AMMECR1: variants seen among roughly 807,000 people sequenced by gnomAD.
AMMECR1 encodes the protein nuclear protein AMMECR1.
Under a neutral mutation model 22.5 loss-of-function variants are expected in AMMECR1, and 3 were observed. The ratio of observed to expected loss-of-function variants is 0.13; its 90% confidence interval spans 0.06 to 0.35. The LOEUF (loss-of-function observed/expected upper bound fraction) is 0.35. Ranked by LOEUF, AMMECR1 falls within the 10% of genes least tolerant of loss-of-function variation. The probability of loss-of-function intolerance (pLI) is 1.00; values close to 1 mark genes in which losing one functional copy is unlikely to be tolerated. For synonymous variants in AMMECR1, 130 were observed against 116.7 expected, an observed-to-expected ratio of 1.11 and a Z score of -0.74; for missense variants, 235 against 278.7, an observed-to-expected ratio of 0.84 and a Z score of 1.12.
At chrX:110,425,982 A>G (rs6655128) in intron 2 of AMMECR1, among the ~76,000 whole-genome samples, 8 of 103,375 alleles carry the variant, frequency 7.7e-5, no homozygotes, top group African/African-American at 2.1e-4. Flanking sequence ...GCGTGCGCGC[A>G]CACACACACA....
chrX:110,435,069 AGGG>A (rs2068827080), intron 1 of AMMECR1, among the ~76,000 whole-genome samples: 1 of 71,914 alleles, frequency 1.4e-5, no homozygotes, highest in Non-Finnish European at 2.5e-5. Context: ...GGAGGGAAGG[AGGG>A]AGGGGGGAGG....
intron 2 of AMMECR1, among the ~76,000 whole-genome samples, chrX:110,395,217 C>T (rs2068520796): frequency 8.9e-6 from 1 of 112,177 alleles, no homozygotes; most frequent in African/African-American, 3.2e-5. Flanking sequence ...AGAGGGTCTC[C>T]ACTTCTGCCA....
chrX:110,291,799 T>C (rs2067910492), intron 1 of AMMECR1, among the ~76,000 whole-genome samples: 1 of 112,187 alleles, frequency 8.9e-6, no homozygotes. Flanking sequence ...CCTATGGGAC[T>C]ACATCCACCC....
chrX:110,234,041 C>T (rs1221640535), intron 2 of AMMECR1, among the ~76,000 whole-genome samples: 2 of 111,937 alleles, frequency 1.8e-5, no homozygotes, highest in Admixed American at 9.4e-5. Context: ...TCAAATTGTC[C>T]CTGTTTGCAG....
Position 110,436,806 on chromosome X carries a change from G to C in AMMECR1, c.-294+3084C>G, listed in dbSNP as rs185476319. Among the ~76,000 whole-genome samples the C allele has an allele frequency of 3.9e-3, 432 of 112,183 alleles. 2 individuals are homozygous for C. The highest frequency in any genetic ancestry group is 0.028 in the Middle Eastern group (6 of 217). On this transcript the variant is annotated intron_variant, in intron 1 of 7. Coordinates refer to the AMMECR1 transcript ENST00000372057. ...AGAGAGTGGGGCTGTTGGAGGAGGA[G>C]AGCAGCTATGGGCCAGCAGCCTGAG... is the stretch of plus-strand genomic sequence containing the variant.
In AMMECR1 at chrX:110,421,203, C is replaced by G. The variant is rs915377137; in HGVS notation, c.-148+5455G>C. Among the ~76,000 whole-genome samples, 4 of 112,398 alleles carry G rather than the reference C, an allele frequency of 3.6e-5. No individual in the cohort carries two copies. The South Asian group carries it at 1.1e-3, about 31-fold the overall frequency. ...ACCTTTAAAATGCTTTCTAGCCCTT[C>G]AAGGGACCAAGCAGGATTTAACTCT... On this transcript the variant is annotated intron_variant, in intron 2 of 7. Transcript: ENST00000372057.
At chrX:110,341,089 T>G (rs747573326) in intron 2 of AMMECR1, among the ~76,000 whole-genome samples, 3 of 112,625 alleles carry the variant, frequency 2.7e-5, no homozygotes, top group Non-Finnish European at 5.6e-5. Context: ...TTTTTTATGT[T>G]TTGTTTCACT....
intron 2 of AMMECR1, among the ~76,000 whole-genome samples, chrX:110,355,079 A>C (rs1361372736): frequency 8.9e-6 from 1 of 112,457 alleles, no homozygotes; most frequent in Non-Finnish European, 1.9e-5. Flanking sequence ...ACAGATTGGT[A>C]GAAAATACCG....
intron 2 of AMMECR1, among the ~76,000 whole-genome samples, chrX:110,252,707 A>C (rs774448252): frequency 8.0e-5 from 9 of 112,413 alleles, no homozygotes; most frequent in Non-Finnish European, 1.1e-4. Flanking sequence ...CAAGACTTTT[A>C]TTTATTCAAC....
At chrX:110,249,450 C>T (rs2067675544) in intron 2 of AMMECR1, among the ~76,000 whole-genome samples, 1 of 111,452 alleles carries the variant, frequency 9.0e-6, no homozygotes, top group African/African-American at 3.3e-5. Flanking sequence ...TTTTCCCTAA[C>T]TGCAATATAA....
At chrX:110,429,581 C>G (rs894834572) in intron 1 of AMMECR1, among the ~76,000 whole-genome samples, 3 of 108,131 alleles carry the variant, frequency 2.8e-5, no homozygotes, top group Non-Finnish European at 3.8e-5. Flanking sequence ...CTCCTGGGTT[C>G]AAGTGATTCT....
intron 1 of AMMECR1, among the ~76,000 whole-genome samples, chrX:110,275,455 T>C (rs1240507486): frequency 9.0e-6 from 1 of 111,326 alleles, no homozygotes; most frequent in Non-Finnish European, 1.9e-5. Context: ...TATATGGTTC[T>C]TCTCTTTGTT....
chrX:110,266,767 G>A (rs1035239177), intron 1 of AMMECR1, among the ~76,000 whole-genome samples: 1 of 109,039 alleles, frequency 9.2e-6, no homozygotes, highest in Non-Finnish European at 1.9e-5. Flanking sequence ...GTATACAGGG[G>A]CCATGGTGGT....
intron 3 of AMMECR1, among the ~76,000 whole-genome samples, chrX:110,211,519 T>G: frequency 8.9e-6 from 1 of 112,204 alleles, no homozygotes; most frequent in East Asian, 2.8e-4. Flanking sequence ...ACATGCTGCA[T>G]GAGTTTTTCT....
chrX:110,302,352 T>C (rs1199656924), intron 1 of AMMECR1, among the ~76,000 whole-genome samples: 2 of 110,673 alleles, frequency 1.8e-5, no homozygotes, highest in African/African-American at 3.3e-5. Flanking sequence ...AAAAAAAAAC[T>C]TGGAAGTCAT....
intron 1 of AMMECR1, among the ~76,000 whole-genome samples, chrX:110,299,756 A>G (rs1215499946): frequency 2.7e-5 from 3 of 111,956 alleles, no homozygotes; most frequent in Non-Finnish European, 5.7e-5. Context: ...CTATGAGTTT[A>G]ACTTTTTTAG....
chrX:110,225,330 T>C (rs1323797521), intron 2 of AMMECR1, among the ~76,000 whole-genome samples: 1 of 112,516 alleles, frequency 8.9e-6, no homozygotes, highest in Non-Finnish European at 1.9e-5. Flanking sequence ...AAGAGGAAAC[T>C]CATAGAAGTG....
At chrX:110,370,548 G>A (rs1393163635) in intron 2 of AMMECR1, among the ~76,000 whole-genome samples, 1 of 112,381 alleles carries the variant, frequency 8.9e-6, no homozygotes, top group African/African-American at 3.2e-5. Context: ...TTAGCCTGAG[G>A]AAACTATCAT....
intron 1 of AMMECR1, among the ~76,000 whole-genome samples, chrX:110,275,109 T>A (rs1470292566): frequency 9.0e-6 from 1 of 111,622 alleles, no homozygotes; most frequent in African/African-American, 3.3e-5. Context: ...AGAAATTTTT[T>A]AATGAGGGGG....
Sources: allele counts gnomAD v4.1 joint callset (sites outside exome capture counted in the v4.1 genomes callset), GRCh38; gene constraint gnomAD v4.1.1; transcripts MANE v1.5; gene names NCBI Gene and HGNC (gene_info 2026-07-23, HGNC 2026-07-21).